MGRN1: variants seen among roughly 807,000 people sequenced by gnomAD.
MGRN1 encodes the protein mahogunin ring finger 1, also known as E3 ubiquitin-protein ligase MGRN1.
MGRN1 carries 29 observed loss-of-function variants against 69.2 expected under a neutral mutation model. That is an observed-to-expected ratio of 0.42 (90% CI 0.31 to 0.57). The LOEUF (loss-of-function observed/expected upper bound fraction) is 0.57, where lower values mean the gene tolerates loss of function less well. MGRN1 is among the 20% of genes least tolerant of loss of function. The probability of loss-of-function intolerance (pLI) is 0.15; values close to 1 mark genes in which losing one functional copy is unlikely to be tolerated. For synonymous variants in MGRN1, 470 were observed against 344.2 expected (o/e 1.37, Z -4.04); for missense variants, 998 against 796.2 (o/e 1.25, Z -3.05).
intron 8 of MGRN1, among the ~76,000 whole-genome samples, chr16:4,670,194 C>G (rs2078907077): frequency 6.6e-6 from 1 of 152,048 alleles, no homozygotes; most frequent in African/African-American, 2.4e-5. Context: ...TCCCAAGTAG[C>G]TGGGACTGCA....
rs745343738 is a variant in MGRN1 at position 4,677,560 on chromosome 16, T to C, written c.1053T>C (p.His351=). The C allele has an allele frequency of 3.1e-6, 5 of 1,599,802 alleles. No homozygotes were observed. The South Asian group carries it at 4.4e-5, about 14-fold the overall frequency. The part of the protein sequence containing the change: ...FSPVLAQSLE[H]DEHSCPFKKS... ...CCGTCCTGGCCCAGAGCCTGGAGCA[T>C]GATGAGCACTCTGTAAGTGCCGCCT... Residue 351 remains histidine (H), a synonymous_variant, in exon 11 of 17, where the codon CAT becomes CAC. Coordinates refer to ENST00000262370, the MANE Select transcript of MGRN1 (RefSeq NM_015246.4).
At chr16:4,686,167 G>C (rs1306935743) in intron 16 of MGRN1, 1 of 1,442,134 alleles carries the variant, frequency 6.9e-7, no homozygotes, top group Non-Finnish European at 9.4e-7. Flanking sequence ...GGCCTCGACC[G>C]TGTCCCCAAG....
chr16:4,658,002 A>G (rs974359687), intron 5 of MGRN1, among the ~76,000 whole-genome samples: 1 of 150,424 alleles, frequency 6.6e-6, no homozygotes, highest in African/African-American at 2.4e-5. Flanking sequence ...TCGGCCTCCC[A>G]AAGTGCTGGG....
intron 9 of MGRN1, among the ~76,000 whole-genome samples, chr16:4,672,741 T>A (rs2078967327): frequency 6.6e-6 from 1 of 152,238 alleles, no homozygotes; most frequent in African/African-American, 2.4e-5. Context: ...GACACCTGTT[T>A]TAGATTTTTG....
chr16:4,679,540 A>G (rs1403170607), intron 11 of MGRN1, among the ~76,000 whole-genome samples: 3 of 136,254 alleles, frequency 2.2e-5, no homozygotes, highest in South Asian at 2.7e-4. Context: ...GTGCCTAAAG[A>G]TGATGGTGGG....
chr16:4,684,955 C>T (rs373368313), intron 16 of MGRN1, among the ~76,000 whole-genome samples: 26 of 152,364 alleles, frequency 1.7e-4, no homozygotes, highest in Non-Finnish European at 2.8e-4. Flanking sequence ...GTGGTTGTGA[C>T]GTGCTTTAGT....
chr16:4,683,689 G>A (rs1485518156), intron 15 of MGRN1, among the ~76,000 whole-genome samples, 154 bp from the exon 16 acceptor site: 1 of 152,214 alleles, frequency 6.6e-6, no homozygotes, highest in Non-Finnish European at 1.5e-5. Flanking sequence ...CTGGAGAGCA[G>A]GTGGGGTCAC....
intron 3 of MGRN1, 57 bp from the exon 4 acceptor site, chr16:4,652,621 C>T (rs547189705): frequency 3.9e-6 from 6 of 1,545,888 alleles, no homozygotes; most frequent in Middle Eastern, 1.7e-4. Context: ...GGGGAGGAGG[C>T]AGCCTCCGCA....
intron 5 of MGRN1, chr16:4,664,091 C>T (rs1170707651): frequency 1.3e-5 from 2 of 155,854 alleles, no homozygotes; most frequent in Non-Finnish European, 2.9e-5. Flanking sequence ...GTGTCCAGTG[C>T]AGCGCTGCTC....
intron 7 of MGRN1, among the ~76,000 whole-genome samples, chr16:4,667,860 G>T (rs1463246663): frequency 6.6e-6 from 1 of 152,112 alleles, no homozygotes; most frequent in African/African-American, 2.4e-5. Context: ...CCGGGCCTGG[G>T]AGAGCAGGAA....
At chr16:4,684,553 G>A (rs902269588) in intron 16 of MGRN1, among the ~76,000 whole-genome samples, 2 of 152,370 alleles carry the variant, frequency 1.3e-5, no homozygotes, top group African/African-American at 4.8e-5. Context: ...CGGCGGGGGC[G>A]CCAGGCGCCA....
At position 4,657,249 on chromosome 16, in the gene MGRN1, C is replaced by T. The variant is rs750529020; in HGVS notation, c.447C>T (p.Tyr149=). ...GCTTGCTCCTGGCTCCCTGCAGATACAGCCCCAAGAGCCCCTCGCTACAGT... is the reference window on the plus strand; with the variant it reads ...GCTTGCTCCTGGCTCCCTGCAGATATAGCCCCAAGAGCCCCTCGCTACAGT... ...SEEFLNGRAV[Y]SPKSPSLQSE... Residue 149 remains tyrosine, a synonymous_variant, in exon 5 of 17, where the codon TAC becomes TAT. Coordinates refer to ENST00000262370, the MANE Select transcript of MGRN1 (RefSeq NM_015246.4). 5 of 1,613,564 alleles carry T rather than the reference C, an allele frequency of 3.1e-6. No homozygotes were observed. Among genetic ancestry groups the T allele is most frequent in the East Asian group, 4.5e-5 (2 of 44,884 alleles).
chr16:4,638,874 G>A (rs1317552526), intron 1 of MGRN1, among the ~76,000 whole-genome samples: 1 of 152,216 alleles, frequency 6.6e-6, no homozygotes, highest in Non-Finnish European at 1.5e-5. Flanking sequence ...GCAGCCCAGT[G>A]AAGTCCACCC....
At position 4,633,163 on chromosome 16, in the gene MGRN1, G is replaced by A. The variant is rs185192229; in HGVS notation, c.88+8115G>A. Among the ~76,000 whole-genome samples the A allele has an allele frequency of 4.6e-5, 7 of 152,142 alleles. No homozygotes were observed. The East Asian group carries it at 1.4e-3, about 29-fold the overall frequency. On this transcript the variant is annotated intron_variant, in intron 1 of 16. Transcript: ENST00000262370. ...AGTACTTTGGGAGGCTGAGGCGGGT[G>A]GACCATTTGAGGTTAGGAGTTTGAG...
At chr16:4,643,433 G>A (rs187094999) in intron 1 of MGRN1, among the ~76,000 whole-genome samples, 3 of 131,926 alleles carry the variant, frequency 2.3e-5, no homozygotes, top group Non-Finnish European at 4.7e-5. Flanking sequence ...TTCTGAGACA[G>A]AGTCTCCCTC....
At chr16:4,668,454 C>G (rs761111951) in intron 8 of MGRN1, 142 bp downstream of exon 8, 2 of 833,188 alleles carry the variant, frequency 2.4e-6, no homozygotes, top group Non-Finnish European at 3.8e-6. Context: ...TACACATTCA[C>G]TTGCACATAT....
intron 10 of MGRN1, among the ~76,000 whole-genome samples, chr16:4,674,346 T>C (rs1485182647): frequency 1.3e-5 from 2 of 151,754 alleles, no homozygotes; most frequent in Non-Finnish European, 2.9e-5. Flanking sequence ...TGGAGTGCAG[T>C]GTTGCAGTCT....
chr16:4,683,031 C>G, intron 14 of MGRN1, 85 bp downstream of exon 14: 14 of 1,481,478 alleles, frequency 9.5e-6, no homozygotes, highest in Non-Finnish European at 7.2e-6. Flanking sequence ...CCCCATCCCA[C>G]TGCCCGCCTG....
chr16:4,652,654 C>A, intron 3 of MGRN1, 24 bp from the exon 4 acceptor site: 2 of 1,594,032 alleles, frequency 1.3e-6, no homozygotes, highest in South Asian at 2.2e-5. Context: ...GACCCGCTGC[C>A]TTTCTCTCCA....
Sources: allele counts gnomAD v4.1 joint callset (sites outside exome capture counted in the v4.1 genomes callset), GRCh38; gene constraint gnomAD v4.1.1; transcripts MANE v1.5; gene names NCBI Gene and HGNC (gene_info 2026-07-23, HGNC 2026-07-21).